Variants in SPTLC1 observed in about 807,000 individuals in gnomAD.
SPTLC1 encodes serine palmitoyltransferase long chain base subunit 1.
SPTLC1 carries 55 observed loss-of-function variants against 68.9 expected under a neutral mutation model. The observed-to-expected ratio is 0.80, with a 90% CI of 0.64 to 1.00. The LOEUF (loss-of-function observed/expected upper bound fraction) is 1.00, where lower values mean the gene tolerates loss of function less well. Ranked by LOEUF, SPTLC1 falls within the 50% of genes least tolerant of loss-of-function variation. The pLI is 0.00. For missense variants in SPTLC1, 449 were observed against 573.1 expected, an observed-to-expected ratio of 0.78 and a Z score of 2.21; for synonymous variants, 197 against 201.6, an observed-to-expected ratio of 0.98 and a Z score of 0.19.
chr9:92,074,730 A>T (rs534867032), intron 5 of SPTLC1, among the ~76,000 whole-genome samples: 7 of 152,140 alleles, frequency 4.6e-5, no homozygotes. Context: ...AAACCAGATA[A>T]ATCCTACAGG....
intron 6 of SPTLC1, among the ~76,000 whole-genome samples, chr9:92,064,574 T>C (rs1476854670): frequency 6.6e-6 from 1 of 152,228 alleles, no homozygotes; most frequent in Admixed American, 6.5e-5. Flanking sequence ...AACTATGCAA[T>C]ACTATAAACA....
chr9:92,033,100 G>A (rs1833027881), intron 14 of SPTLC1, among the ~76,000 whole-genome samples: 1 of 152,072 alleles, frequency 6.6e-6, no homozygotes, highest in South Asian at 2.1e-4. Context: ...CTGCGGCAGG[G>A]AATCTGCAGC....
chr9:92,038,294 C>A lies in SPTLC1; in HGVS notation c.1208G>T (p.Gly403Val). Residue 403 changes from glycine to valine, a missense_variant, in exon 13 of 15, where the codon GGG (glycine) becomes GTG (valine). This residue lies in a region of SPTLC1 where 391 missense variants were observed against 472.1 expected (regional missense o/e 0.83). Transcript: ENST00000262554. Reference sequence around the variant, plus strand: ...CAGTCTGACATCTTGCTCGCGAGACCCAGTGCTCTCTTCCAGTTGTAGGTG... The same window carrying A: ...CAGTCTGACATCTTGCTCGCGAGACACAGTGCTCTCTTCCAGTTGTAGGTG... The part of the protein sequence containing the change: ...AFHLQLEEST[G>V]SREQDVRLLQ... 6.2e-7 allele frequency: 1 copy of A among 1,614,134 alleles called. No homozygotes were observed. Among genetic ancestry groups the A allele is most frequent in the Non-Finnish European group, 8.5e-7 (1 of 1,179,986 alleles).
chr9:92,050,987 A>G (rs1833687493), intron 8 of SPTLC1: 1 of 984,860 alleles, frequency 1.0e-6, no homozygotes, highest in African/African-American at 1.8e-5. Context: ...TTCAGTGCTT[A>G]TCTACACTTG....
At chr9:92,060,262 C>T (rs912723552) in intron 6 of SPTLC1, among the ~76,000 whole-genome samples, 7 of 152,248 alleles carry the variant, frequency 4.6e-5, no homozygotes, top group Middle Eastern at 6.8e-3. Flanking sequence ...TACAGCGGCA[C>T]AATATGAAAG....
chr9:92,067,355 T>G (rs1000667202), intron 6 of SPTLC1, among the ~76,000 whole-genome samples: 2 of 151,526 alleles, frequency 1.3e-5, no homozygotes, highest in Non-Finnish European at 1.5e-5. Flanking sequence ...TGAGACCAAA[T>G]TTTAGTCCAC....
At chr9:92,075,113 C>A (rs1469244591) in intron 5 of SPTLC1, among the ~76,000 whole-genome samples, 1 of 152,138 alleles carries the variant, frequency 6.6e-6, no homozygotes, top group East Asian at 1.9e-4. Context: ...CCAATCCTCC[C>A]AGCAAGACAC....
rs1564077181 is a variant in SPTLC1 at position 92,031,807 on chromosome 9, A to T, written c.*658T>A. The T allele has an allele frequency of 6.5e-6, 1 of 154,010 alleles. No homozygotes were observed. Among genetic ancestry groups the T allele is most frequent in the Non-Finnish European group, 1.4e-5 (1 of 69,008 alleles). The allele number at this position is 154,010 out of a possible 1,614,324, so 9.5% of individuals were successfully genotyped here. ...TTAAATTATTGCTCACTTAGGAAGTATAATGAATATTCTCTGGCTAAGGAT... is the reference window on the plus strand; with the variant it reads ...TTAAATTATTGCTCACTTAGGAAGTTTAATGAATATTCTCTGGCTAAGGAT... On this transcript the variant is annotated 3_prime_UTR_variant, in exon 15 of 15. Transcript: ENST00000262554.
intron 7 of SPTLC1, among the ~76,000 whole-genome samples, chr9:92,058,113 G>GCTGTTTTCA (rs1332120163): frequency 1.3e-5 from 2 of 152,168 alleles, no homozygotes; most frequent in Non-Finnish European, 2.9e-5. Context: ...AGTGGAATGG[G>GCTGTTTTCA]CTGTTTTCAG....
intron 6 of SPTLC1, among the ~76,000 whole-genome samples, chr9:92,062,871 A>G (rs910693828): frequency 1.3e-5 from 2 of 152,234 alleles, no homozygotes; most frequent in Admixed American, 6.5e-5. Context: ...GTGAGACACA[A>G]CTAAAGTAGT....
chr9:92,097,819 A>G (rs1244419234), intron 3 of SPTLC1, among the ~76,000 whole-genome samples: 1 of 152,350 alleles, frequency 6.6e-6, no homozygotes, highest in African/African-American at 2.4e-5. Flanking sequence ...TTTATGGTAT[A>G]TAGATTACGT....
intron 3 of SPTLC1, chr9:92,108,394 A>ATGTGGG: frequency 3.1e-6 from 1 of 323,666 alleles, no homozygotes; most frequent in East Asian, 7.8e-5. Context: ...AGTATCTAGA[A>ATGTGGG]TTATGAGGGT....
At position 92,034,884 on chromosome 9, in the gene SPTLC1, C is replaced by T. The variant is rs763009345; in HGVS notation, c.1255-1G>A. On this transcript the variant is annotated splice_acceptor_variant, in intron 13 of 14. Transcript: ENST00000262554. LOFTEE classifies it high-confidence loss of function. ...TTAATGCAATACTTCTGTTCATGCA[C>T]TGTAGGAAGAAAAAGAAGACATCTG... The T allele has an allele frequency of 6.2e-7, 1 of 1,613,116 alleles. No individual in the cohort carries two copies. The highest frequency in any genetic ancestry group is 8.5e-7 in the Non-Finnish European group (1 of 1,179,922).
At chr9:92,062,751 C>A (rs1261804909) in intron 6 of SPTLC1, among the ~76,000 whole-genome samples, 4 of 152,084 alleles carry the variant, frequency 2.6e-5, no homozygotes, top group Non-Finnish European at 4.4e-5. Flanking sequence ...CAAAAGAATC[C>A]ATTGAGCCCA....
Position 92,079,807 on chromosome 9 carries a change from A to G in SPTLC1, c.427+209T>C, listed in dbSNP as rs1834815243. 4.1e-5 allele frequency: 27 copies of G among 656,898 alleles called. No individual in the cohort carries two copies. The South Asian group carries it at 4.8e-4, about 12-fold the overall frequency. 40.7% of individuals were successfully genotyped at this position (656,898 alleles called of 1,614,324 possible). On this transcript the variant is annotated intron_variant, in intron 5 of 14. Transcript: ENST00000262554. ...CACACATGCACACGAGGATGAGCCC[A>G]CCATGCCCGGCTAATTTTATTATTT... is the stretch of plus-strand genomic sequence containing the variant.
At chr9:92,082,556 A>T (rs1587956976) in intron 3 of SPTLC1, among the ~76,000 whole-genome samples, 2 of 151,652 alleles carry the variant, frequency 1.3e-5, no homozygotes, top group African/African-American at 4.8e-5. Flanking sequence ...ATGTCCCTAC[A>T]AAGGACATGA....
intron 11 of SPTLC1, 160 bp from the exon 12 acceptor site, chr9:92,046,213 G>A: frequency 1.5e-6 from 1 of 685,702 alleles, no homozygotes; most frequent in Non-Finnish European, 2.5e-6. Context: ...GAAGGCCCAA[G>A]CTTTGTCTCT....
At chr9:92,066,996 A>T (rs927407590) in intron 6 of SPTLC1, among the ~76,000 whole-genome samples, 14 of 151,576 alleles carry the variant, frequency 9.2e-5, no homozygotes, top group Non-Finnish European at 1.3e-4. Flanking sequence ...AAAAAAAATT[A>T]AAAAATAAAA....
Position 92,112,536 on chromosome 9 carries a change from T to C in SPTLC1, c.84A>G (p.Glu28=), listed in dbSNP as rs1266435055. 6 of 1,608,156 alleles carry C rather than the reference T, an allele frequency of 3.7e-6. No individual in the cohort carries two copies. The highest frequency in any genetic ancestry group is 1.3e-5 in the African/African-American group (1 of 74,886). The change falls in exon 2 of 15, where the codon GAA becomes GAG. Residue 28 remains glutamate, a synonymous_variant. Transcript: ENST00000262554. ...TGATTATCCAGAGGATCAGAATCCC[T>C]TCCAAAATAAGATGGTAAGCAGGAG... ...YEAPAYHLIL[E]GILILWIIRL...
Sources: allele counts gnomAD v4.1 joint callset (sites outside exome capture counted in the v4.1 genomes callset), GRCh38; gene constraint gnomAD v4.1.1; regional missense constraint gnomAD v4.1.1; transcripts MANE v1.5; gene names NCBI Gene and HGNC (gene_info 2026-07-23, HGNC 2026-07-21).